The following ITGB6 variants were observed in gnomAD, a reference collection of about 807,000 sequenced individuals.
The protein encoded by ITGB6 is integrin beta-6.
A neutral mutation model predicts 84.5 loss-of-function variants in ITGB6; 80 were observed. The observed-to-expected ratio is 0.95, with a 90% CI of 0.79 to 1.14. ITGB6 has a LOEUF of 1.14. Ranked by LOEUF, ITGB6 falls within the 50% of genes most tolerant of loss-of-function variation. The pLI is 0.00. For missense variants in ITGB6, 1,006 were observed against 968.0 expected, an observed-to-expected ratio of 1.04 and a Z score of -0.52; for synonymous variants, 383 against 354.9, an observed-to-expected ratio of 1.08 and a Z score of -0.89.
In ITGB6 at chr2:160,137,546, G is replaced by A. The variant is rs796819291; in HGVS notation, c.1548C>T (p.Asp516=). 1 of 1,614,208 alleles carries A rather than the reference G, an allele frequency of 6.2e-7. No homozygotes were observed. The highest frequency in any genetic ancestry group is 1.3e-5 in the African/African-American group (1 of 75,056). The stretch of plus-strand genomic sequence containing the variant: ...GGCAGATACACTGCCCACAGTAGCA[G>A]TCACCCCTTCCGCTGCAGGAGGGAT... ...PDHPSCSGRG[D]CYCGQCICHL... Residue 516 remains aspartate, a synonymous_variant, in exon 10 of 15, where the codon GAC becomes GAT. Transcript: ENST00000283249.
intron 10 of ITGB6, among the ~76,000 whole-genome samples, chr2:160,128,347 C>G (rs1683319836): frequency 6.6e-6 from 1 of 150,630 alleles, no homozygotes; most frequent in South Asian, 2.1e-4. Context: ...ACCCATAGAA[C>G]TTTCCTATGG....
intron 4 of ITGB6, among the ~76,000 whole-genome samples, chr2:160,179,520 ACAG>A (rs1210412921): frequency 6.7e-6 from 1 of 149,064 alleles, no homozygotes; most frequent in African/African-American, 2.5e-5. Context: ...AGCTGAGATT[ACAG>A]GCATGCACCA....
chr2:160,105,564 C>T (rs1574029762), intron 14 of ITGB6, among the ~76,000 whole-genome samples: 1 of 152,142 alleles, frequency 6.6e-6, no homozygotes, highest in East Asian at 1.9e-4. Flanking sequence ...AACAATTAGG[C>T]TTCAGCTTAA....
At chr2:160,119,562 C>T (rs35345113) in intron 12 of ITGB6, among the ~76,000 whole-genome samples, 100,546 of 150,920 alleles carry the variant, frequency 0.67, 33,831 homozygotes, top group Admixed American at 0.74. Context: ...CCATAAAAAC[C>T]CTAGAAGAAA....
chr2:160,113,740 A>G (rs1029837881), intron 12 of ITGB6, among the ~76,000 whole-genome samples: 2 of 152,142 alleles, frequency 1.3e-5, no homozygotes, highest in African/African-American at 2.4e-5. Context: ...TAAAAAGGAG[A>G]TTCTGATTAA....
At chr2:160,146,760 A>T (rs990029151) in intron 7 of ITGB6, among the ~76,000 whole-genome samples, 3 of 152,174 alleles carry the variant, frequency 2.0e-5, no homozygotes, top group Non-Finnish European at 4.4e-5. Flanking sequence ...CGTTCAAGAA[A>T]TATTTAAAGA....
chr2:160,165,705 T>C (rs773064977), intron 7 of ITGB6, among the ~76,000 whole-genome samples: 8 of 152,318 alleles, frequency 5.3e-5, no homozygotes, highest in Middle Eastern at 3.4e-3. Context: ...ATAGATCTAA[T>C]GGCCATCAGG....
At chr2:160,180,113 CAA>C (rs34572460) in intron 4 of ITGB6, among the ~76,000 whole-genome samples, 7 of 82,054 alleles carry the variant, frequency 8.5e-5, no homozygotes, top group Admixed American at 1.3e-4. Flanking sequence ...AACTCCACCT[CAA>C]AAAAAAAAAA....
chr2:160,134,820 T>C (rs1456160286), intron 10 of ITGB6, among the ~76,000 whole-genome samples: 2 of 152,182 alleles, frequency 1.3e-5, no homozygotes, highest in Admixed American at 1.3e-4. Context: ...ATTATCTCAA[T>C]AGATGCAGAA....
chr2:160,154,855 T>TA (rs1031553756), intron 7 of ITGB6, among the ~76,000 whole-genome samples: 4 of 152,176 alleles, frequency 2.6e-5, no homozygotes, highest in African/African-American at 9.7e-5. Flanking sequence ...TGGCAGTTGG[T>TA]ATGGTTTGGA....
intron 4 of ITGB6, among the ~76,000 whole-genome samples, chr2:160,181,484 C>T (rs539418530): frequency 1.3e-5 from 2 of 152,302 alleles, no homozygotes; most frequent in East Asian, 1.9e-4. Flanking sequence ...GGCAGTAGCC[C>T]CAGTCAGGGG....
At chr2:160,109,095 A>T (rs1225004012) in intron 13 of ITGB6, among the ~76,000 whole-genome samples, 1 of 152,204 alleles carries the variant, frequency 6.6e-6, no homozygotes, top group Non-Finnish European at 1.5e-5. Context: ...TTATACACAT[A>T]TGACTAGTCA....
intron 14 of ITGB6, among the ~76,000 whole-genome samples, chr2:160,104,914 A>G (rs770929141): frequency 5.3e-5 from 8 of 152,144 alleles, no homozygotes; most frequent in Non-Finnish European, 8.8e-5. Flanking sequence ...TCACTTTATG[A>G]GTCCAGTGCA....
chr2:160,116,574 G>T (rs1031575222), intron 12 of ITGB6, among the ~76,000 whole-genome samples: 1 of 152,194 alleles, frequency 6.6e-6, no homozygotes, highest in South Asian at 2.1e-4. Context: ...AAAATGTAAA[G>T]ACCATCAAGG....
At chr2:160,148,707 C>T (rs1241933966) in intron 7 of ITGB6, among the ~76,000 whole-genome samples, 2 of 152,156 alleles carry the variant, frequency 1.3e-5, no homozygotes, top group Admixed American at 6.5e-5. Context: ...CAAGGGAAGC[C>T]GTGACAGACT....
intron 11 of ITGB6, among the ~76,000 whole-genome samples, chr2:160,125,009 A>C (rs1353718679): frequency 6.6e-6 from 1 of 152,188 alleles, no homozygotes; most frequent in Non-Finnish European, 1.5e-5. Context: ...CATCTCAATG[A>C]TGGCTGCCCT....
rs114925070 is a variant in ITGB6, at chr2:160,196,569, G to T, written c.142-149C>A. 2,468 of 650,604 alleles carry T rather than the reference G, an allele frequency of 3.8e-3. 7 individuals carry two copies. The highest frequency in any genetic ancestry group is 4.5e-3 in the Non-Finnish European group (1,713 of 382,626). The allele number at this position is 650,604 out of a possible 1,614,324, so 40.3% of individuals were successfully genotyped here. A position where few individuals can be genotyped will look rare whatever the true frequency, so the allele number is the denominator to read the frequency against. Reference sequence around the variant, plus strand: ...CCCTACATGACTAACATTGATTATAGGTCTAAAGTTAAGTTATAGGTGAAT... The same window carrying T: ...CCCTACATGACTAACATTGATTATATGTCTAAAGTTAAGTTATAGGTGAAT... On this transcript the variant is annotated intron_variant, in intron 2 of 14. Transcript: ENST00000283249.
At chr2:160,133,871 C>T (rs1274855130) in intron 10 of ITGB6, among the ~76,000 whole-genome samples, 1 of 152,014 alleles carries the variant, frequency 6.6e-6, no homozygotes, top group Non-Finnish European at 1.5e-5. Flanking sequence ...AACAAAGACA[C>T]AACATACCAG....
At chr2:160,183,804 T>C (rs946247128) in intron 4 of ITGB6, among the ~76,000 whole-genome samples, 4 of 152,148 alleles carry the variant, frequency 2.6e-5, no homozygotes, top group Non-Finnish European at 5.9e-5. Flanking sequence ...CATACCATAG[T>C]GCAATCAAAT....
Sources: allele counts gnomAD v4.1 joint callset (sites outside exome capture counted in the v4.1 genomes callset), GRCh38; gene constraint gnomAD v4.1.1; transcripts MANE v1.5; gene names NCBI Gene and HGNC (gene_info 2026-07-23, HGNC 2026-07-21).